The following PDGFD variants were observed in gnomAD, a reference collection of about 807,000 sequenced individuals.
PDGFD encodes platelet-derived growth factor D.
Under a neutral mutation model 44.7 loss-of-function variants are expected in PDGFD, and 30 were observed. The observed-to-expected ratio is 0.67, with a 90% CI of 0.50 to 0.91. PDGFD has a LOEUF of 0.91. Among genes scored for constraint, PDGFD ranks in the 40% least tolerant of loss-of-function variants. PDGFD has a pLI of 0.00. For synonymous variants in PDGFD, 173 were observed against 168.4 expected, an observed-to-expected ratio of 1.03 and a Z score of -0.21; for missense variants, 445 against 457.8, an observed-to-expected ratio of 0.97 and a Z score of 0.25.
intron 1 of PDGFD, among the ~76,000 whole-genome samples, chr11:104,051,258 C>G (rs61892152): frequency 2.0e-5 from 3 of 151,886 alleles, no homozygotes; most frequent in African/African-American, 7.3e-5. Context: ...TACCATAAAA[C>G]GAGAAAAATT....
chr11:104,003,463 A>G (rs1859650209), intron 1 of PDGFD, among the ~76,000 whole-genome samples: 1 of 152,222 alleles, frequency 6.6e-6, no homozygotes, highest in Non-Finnish European at 1.5e-5. Flanking sequence ...AAGGTCTCCT[A>G]GGAACTAGAG....
chr11:104,028,871 GA>G (rs201861896), intron 1 of PDGFD, among the ~76,000 whole-genome samples: 2 of 150,346 alleles, frequency 1.3e-5, no homozygotes, highest in South Asian at 2.1e-4. Context: ...GTTTGTAAAG[GA>G]AAAAAAAATC....
chr11:104,052,254 T>C (rs557424444), intron 1 of PDGFD, among the ~76,000 whole-genome samples: 19 of 152,318 alleles, frequency 1.2e-4, no homozygotes, highest in Non-Finnish European at 2.1e-4. Flanking sequence ...CTTTAAAGTA[T>C]GACAAGGACA....
chr11:104,134,317 T>A (rs1234612758), intron 1 of PDGFD, among the ~76,000 whole-genome samples: 1 of 152,200 alleles, frequency 6.6e-6, no homozygotes, highest in African/African-American at 2.4e-5. Flanking sequence ...AGCTGCTAAG[T>A]GTCTCTAGAA....
intron 1 of PDGFD, among the ~76,000 whole-genome samples, chr11:104,078,310 C>T (rs532786267): frequency 7.2e-5 from 11 of 152,268 alleles, no homozygotes; most frequent in African/African-American, 2.6e-4. Context: ...ATGAGTGCTT[C>T]CCTACTGTTT....
chr11:104,131,250 T>C (rs563347248), intron 1 of PDGFD, among the ~76,000 whole-genome samples: 251 of 152,274 alleles, frequency 1.6e-3, no homozygotes, highest in African/African-American at 5.9e-3. Flanking sequence ...ATATTTTAAA[T>C]GGCAATCAGA....
intron 1 of PDGFD, among the ~76,000 whole-genome samples, chr11:104,024,830 G>A (rs551490877): frequency 6.6e-6 from 1 of 152,324 alleles, no homozygotes; most frequent in Admixed American, 6.5e-5. Flanking sequence ...ATTTGCACAT[G>A]TAAGTGTCAA....
chr11:104,105,149 C>T (rs1041451425), intron 1 of PDGFD, among the ~76,000 whole-genome samples: 1 of 152,108 alleles, frequency 6.6e-6, no homozygotes, highest in East Asian at 1.9e-4. Context: ...ATGAAGATCA[C>T]CCAGACAGTA....
chr11:104,047,348 C>A (rs1860459953), intron 1 of PDGFD, among the ~76,000 whole-genome samples: 1 of 147,672 alleles, frequency 6.8e-6, no homozygotes, highest in African/African-American at 2.5e-5. Flanking sequence ...CTAACTTACA[C>A]TCCCACCAAC....
In PDGFD at chr11:103,912,888, G is replaced by A. The variant is rs182117318; in HGVS notation, c.988-3069C>T. 3.6e-4 allele frequency among the ~76,000 whole-genome samples: 55 copies of A among 152,038 alleles called. No individual in the cohort carries two copies. The East Asian group carries it at 0.01, about 29-fold the overall frequency. ...ACAAAGATCAAAAGAGACAAAGAAG[G>A]CCATTACATAATGGTAAAGGCATCA... On this transcript the variant is annotated intron_variant, in intron 6 of 6. Coordinates refer to ENST00000393158, the MANE Select transcript of PDGFD (RefSeq NM_025208.5).
At chr11:104,043,238 T>C (rs1338582003) in intron 1 of PDGFD, among the ~76,000 whole-genome samples, 1 of 152,180 alleles carries the variant, frequency 6.6e-6, no homozygotes, top group Non-Finnish European at 1.5e-5. Context: ...ACCAGAATTT[T>C]ATTGACCACC....
chr11:103,976,084 G>T lies in PDGFD; in HGVS notation c.510+19981C>A, dbSNP rs189475274. Among the ~76,000 whole-genome samples, 45 of 152,146 alleles carry T rather than the reference G, an allele frequency of 3.0e-4. 1 individual carries two copies. In the East Asian group the frequency reaches 7.0e-3, roughly 24 times the overall value. The stretch of plus-strand genomic sequence containing the variant: ...AGCATTGAAGTTATAAATTGCTTTG[G>T]GCATTATGGCCATTTTCATGATATT... On this transcript the variant is annotated intron_variant, in intron 3 of 6. Coordinates refer to ENST00000393158, the MANE Select transcript of PDGFD (RefSeq NM_025208.5).
intron 1 of PDGFD, among the ~76,000 whole-genome samples, chr11:104,095,602 G>A (rs1861273194): frequency 1.1e-5 from 1 of 89,704 alleles, no homozygotes; most frequent in Admixed American, 1.5e-4. Flanking sequence ...AGAAGAAGAA[G>A]GAGGGAGGGA....
At chr11:103,944,738 C>A (rs78089267) in intron 4 of PDGFD, among the ~76,000 whole-genome samples, 16 of 152,256 alleles carry the variant, frequency 1.1e-4, no homozygotes, top group African/African-American at 3.4e-4. Context: ...TCTCTTTAAC[C>A]AATCAAGGTC....
At chr11:103,922,443 C>A (rs1858239832) in intron 6 of PDGFD, among the ~76,000 whole-genome samples, 1 of 152,126 alleles carries the variant, frequency 6.6e-6, no homozygotes, top group Non-Finnish European at 1.5e-5. Flanking sequence ...CACCCTCCAT[C>A]CTGAAGGAAG....
chr11:104,078,403 G>T (rs1860998183), intron 1 of PDGFD, among the ~76,000 whole-genome samples: 1 of 152,110 alleles, frequency 6.6e-6, no homozygotes, highest in South Asian at 2.1e-4. Context: ...CATCTTCTCA[G>T]ATTTATCCTT....
chr11:103,980,153 G>A (rs368743314), intron 3 of PDGFD, among the ~76,000 whole-genome samples: 3 of 152,008 alleles, frequency 2.0e-5, no homozygotes, highest in African/African-American at 7.2e-5. Flanking sequence ...GATTAAAATA[G>A]TAGGGGTTTT....
At chr11:104,108,992 A>G (rs1459340865) in intron 1 of PDGFD, among the ~76,000 whole-genome samples, 2 of 146,152 alleles carry the variant, frequency 1.4e-5, no homozygotes, top group African/African-American at 5.0e-5. Flanking sequence ...ATAGGTGGGA[A>G]TTGAACAATG....
chr11:104,122,341 G>T (rs1861789492), intron 1 of PDGFD, among the ~76,000 whole-genome samples: 1 of 151,926 alleles, frequency 6.6e-6, no homozygotes, highest in African/African-American at 2.4e-5. Context: ...AAAAGATTAG[G>T]GTTGGGGAGG....
Sources: allele counts gnomAD v4.1 joint callset (sites outside exome capture counted in the v4.1 genomes callset), GRCh38; gene constraint gnomAD v4.1.1; transcripts MANE v1.5; gene names NCBI Gene and HGNC (gene_info 2026-07-23, HGNC 2026-07-21).